STK32B: variants seen among roughly 807,000 people sequenced by gnomAD.
The protein encoded by STK32B is serine/threonine-protein kinase 32B.
Under a neutral mutation model 52.6 loss-of-function variants are expected in STK32B, and 43 were observed. The ratio of observed to expected loss-of-function variants is 0.82; its 90% CI spans 0.64 to 1.05. The LOEUF (loss-of-function observed/expected upper bound fraction) is 1.05, where lower values mean the gene tolerates loss of function less well. STK32B is among the 50% of genes least tolerant of loss of function. STK32B has a pLI of 0.00. For missense variants in STK32B, 621 were observed against 534.6 expected (o/e 1.16, Z -1.59); for synonymous variants, 238 against 204.3 (o/e 1.17, Z -1.41).
intron 2 of STK32B, among the ~76,000 whole-genome samples, chr4:5,161,480 A>G (rs962449014): frequency 6.6e-6 from 1 of 152,188 alleles, no homozygotes; most frequent in African/African-American, 2.4e-5. Context: ...CAGACATTAC[A>G]TCCGTGTTCA....
At position 5,396,223 on chromosome 4, in the gene STK32B, G is replaced by T. The variant is rs888665522; in HGVS notation, c.435-1984G>T. ...CCTCTGGAGGTTCAGGAGAGAATCCGCCCCTGGCCTGTTCCAGCTCCAGGT... is the reference window on the plus strand; with the variant it reads ...CCTCTGGAGGTTCAGGAGAGAATCCTCCCCTGGCCTGTTCCAGCTCCAGGT... On this transcript the variant is annotated intron_variant, in intron 4 of 11. Coordinates refer to ENST00000282908, the MANE Select transcript of STK32B (RefSeq NM_018401.3). This position sits in a 1 kb window ranked among gnomAD's most constrained non-coding sequence, Gnocchi z 4.7. Among the ~76,000 whole-genome samples the T allele has an allele frequency of 6.6e-6, 1 of 152,152 alleles. No homozygotes were observed. Among genetic ancestry groups the T allele is most frequent in the Non-Finnish European group, 1.5e-5 (1 of 68,028 alleles).
At chr4:5,458,463 T>A (rs565894896) in intron 8 of STK32B, 2 of 152,246 alleles carry the variant, frequency 1.3e-5, no homozygotes, top group Non-Finnish European at 2.9e-5. Context: ...ATGAGAAAGC[T>A]GAGGCATAGG....
At chr4:5,026,023 A>T in the STK32B span, among the ~76,000 whole-genome samples, 2 of 151,848 alleles carry the variant, frequency 1.3e-5, no homozygotes, top group African/African-American at 4.8e-5. Flanking sequence ...GGCCTCCACG[A>T]CTCCCTCCCA....
intron 6 of STK32B, among the ~76,000 whole-genome samples, chr4:5,422,237 G>A (rs1159395538): frequency 1.3e-5 from 2 of 152,352 alleles, no homozygotes; most frequent in Non-Finnish European, 2.9e-5. Context: ...GTTTAGTGGG[G>A]AAGGTGGAGT....
rs1365386550 is a variant in STK32B at position 5,399,854 on chromosome 4, C to A, written c.472+1610C>A. ...GTAGATAACTCGCCCTCTTCCTGTC[C>A]CCTTTCTCTGCTCAGGGCCAGGCAA... On this transcript the variant is annotated intron_variant, in intron 5 of 11. Transcript: ENST00000282908. This position sits in a 1 kb window ranked among gnomAD's most constrained non-coding sequence, Gnocchi z 5.4. Among the ~76,000 whole-genome samples, 1 of 152,146 alleles carries A rather than the reference C, an allele frequency of 6.6e-6. No homozygotes were observed. The highest frequency in any genetic ancestry group is 2.4e-5 in the African/African-American group (1 of 41,438).
At chr4:5,100,930 A>T (rs115169566) in intron 1 of STK32B, among the ~76,000 whole-genome samples, 2,322 of 144,428 alleles carry the variant, frequency 0.016, 30 homozygotes, top group Non-Finnish European at 0.025. Flanking sequence ...CTTGGATCTC[A>T]CTCTGTCCCC....
At chr4:5,198,568 T>C (rs1721882254) in intron 3 of STK32B, among the ~76,000 whole-genome samples, 1 of 152,200 alleles carries the variant, frequency 6.6e-6, no homozygotes, top group African/African-American at 2.4e-5. Context: ...TTGGTCTGTC[T>C]GGTAGGAGAG....
At chr4:5,364,059 A>G (rs1734713622) in intron 4 of STK32B, among the ~76,000 whole-genome samples, 2 of 151,992 alleles carry the variant, frequency 1.3e-5, no homozygotes, top group African/African-American at 2.4e-5. Flanking sequence ...AAATCAAACC[A>G]TATCACTTTG....
intron 3 of STK32B, among the ~76,000 whole-genome samples, chr4:5,329,523 C>G (rs1284166273): frequency 2.6e-5 from 4 of 152,212 alleles, no homozygotes; most frequent in African/African-American, 9.6e-5. Context: ...TGCTAGAGCA[C>G]TGGCCTCCTC....
At chr4:5,427,411 G>A (rs1271265315) in intron 6 of STK32B, among the ~76,000 whole-genome samples, 1 of 152,150 alleles carries the variant, frequency 6.6e-6, no homozygotes, top group Non-Finnish European at 1.5e-5. Context: ...CAACGTAGTT[G>A]AGAAGTGTTT....
At chr4:5,385,884 C>G (rs915423076) in intron 4 of STK32B, among the ~76,000 whole-genome samples, 49 of 151,180 alleles carry the variant, frequency 3.2e-4, no homozygotes, top group African/African-American at 1.1e-3. Flanking sequence ...CAACCTCACC[C>G]ACAGATCCAC....
chr4:5,327,727 C>T (rs1227312868), intron 3 of STK32B, among the ~76,000 whole-genome samples: 3 of 152,138 alleles, frequency 2.0e-5, no homozygotes, highest in Admixed American at 6.6e-5. Flanking sequence ...GGTAAATGAG[C>T]ATTGGCTTCA....
At chr4:5,059,848 A>G (rs950436031) in intron 1 of STK32B, among the ~76,000 whole-genome samples, 1 of 152,226 alleles carries the variant, frequency 6.6e-6, no homozygotes, top group Non-Finnish European at 1.5e-5. Context: ...CTATCAGAGA[A>G]TAGGAAGGAA....
At chr4:5,411,395 T>C (rs1333421327) in intron 5 of STK32B, among the ~76,000 whole-genome samples, 2 of 152,066 alleles carry the variant, frequency 1.3e-5, no homozygotes, top group South Asian at 2.1e-4. Flanking sequence ...CAACCAGCCG[T>C]GGATAAAAAG....
At chr4:5,241,873 A>G (rs900383767) in intron 3 of STK32B, among the ~76,000 whole-genome samples, 2 of 152,184 alleles carry the variant, frequency 1.3e-5, no homozygotes, top group African/African-American at 4.8e-5. Flanking sequence ...GACGGTTTCC[A>G]GCTTCATCCA....
rs1353170765 is a variant in STK32B, at chr4:5,399,213, G to A, written c.472+969G>A. 6.6e-6 allele frequency among the ~76,000 whole-genome samples: 1 copy of A among 150,676 alleles called. No individual in the cohort carries two copies. Among genetic ancestry groups the A allele is most frequent in the Non-Finnish European group, 1.5e-5 (1 of 66,918 alleles). ...CCTAACATGGGGTTGGCTGGAGGGAGCAGGTGCGAATTCTTCTGAAGTAGG... is the reference window on the plus strand; with the variant it reads ...CCTAACATGGGGTTGGCTGGAGGGAACAGGTGCGAATTCTTCTGAAGTAGG... On this transcript the variant is annotated intron_variant, in intron 5 of 11. Coordinates refer to ENST00000282908, the MANE Select transcript of STK32B (RefSeq NM_018401.3). This position sits in a 1 kb window ranked among gnomAD's most constrained non-coding sequence, Gnocchi z 5.4.
At chr4:5,024,766 G>A in the STK32B span, among the ~76,000 whole-genome samples, 1 of 152,200 alleles carries the variant, frequency 6.6e-6, no homozygotes, top group Admixed American at 6.5e-5. Flanking sequence ...GAGTATTGGG[G>A]ACTCTTAATG....
intron 11 of STK32B, among the ~76,000 whole-genome samples, chr4:5,486,002 G>A (rs548910143): frequency 3.7e-4 from 56 of 152,300 alleles, no homozygotes; most frequent in African/African-American, 1.2e-3. Flanking sequence ...CCCCTACTGC[G>A]GGGTGCCTCC....
chr4:5,163,881 T>C (rs570532117), intron 2 of STK32B, among the ~76,000 whole-genome samples: 1 of 152,304 alleles, frequency 6.6e-6, no homozygotes, highest in Non-Finnish European at 1.5e-5. Flanking sequence ...GCTAAGGGTT[T>C]GGTTCCAGGC....
Sources: allele counts gnomAD v4.1 joint callset (sites outside exome capture counted in the v4.1 genomes callset), GRCh38; gene constraint gnomAD v4.1.1; non-coding constraint Gnocchi (gnomAD v3.1); transcripts MANE v1.5; gene names NCBI Gene and HGNC (gene_info 2026-07-23, HGNC 2026-07-21).